The following KIR3DL1 variants were observed in gnomAD, a reference collection of about 807,000 sequenced individuals.
KIR3DL1 encodes the protein killer cell immunoglobulin-like receptor 3DL1.
A neutral mutation model predicts 40.3 loss-of-function variants in KIR3DL1; 50 were observed. That is an observed-to-expected ratio of 1.24 (90% CI 0.99 to 1.57). The LOEUF (loss-of-function observed/expected upper bound fraction) is 1.57, where lower values mean the gene tolerates loss of function less well. Ranked by LOEUF, KIR3DL1 falls within the 40% of genes most tolerant of loss-of-function variation. The pLI is 0.00. For synonymous variants in KIR3DL1, 257 were observed against 207.2 expected (o/e 1.24, Z -2.07); for missense variants, 661 against 559.9 (o/e 1.18, Z -1.82).
chr19:54,828,273 T>A (rs1193694705), intron 6 of KIR3DL1, among the ~76,000 whole-genome samples: 1 of 151,316 alleles, frequency 6.6e-6, no homozygotes, highest in African/African-American at 2.5e-5. Flanking sequence ...GTTGTTTAAC[T>A]CAAGAATGCC....
intron 4 of KIR3DL1, among the ~76,000 whole-genome samples, chr19:54,820,469 C>T (rs2061578536): frequency 6.6e-6 from 1 of 151,530 alleles, no homozygotes; most frequent in Non-Finnish European, 1.5e-5. Context: ...TATTCTGACA[C>T]CTCTGCCTTC....
intron 1 of KIR3DL1, 36 bp downstream of exon 1, chr19:54,816,570 G>C: frequency 6.2e-7 from 1 of 1,607,714 alleles, no homozygotes. Context: ...AGGGAGTGCG[G>C]GGATGGAGAT....
chr19:54,830,679 T>C (rs77482295), exon 9 of KIR3DL1: 250 of 207,210 alleles, frequency 1.2e-3, no homozygotes, highest in Middle Eastern at 3.4e-3. Flanking sequence ...TTCACCTTTC[T>C]TCGGACTATT....
At chr19:54,830,216 A>T in exon 9 of KIR3DL1, 1 of 1,523,318 alleles carries the variant, frequency 6.6e-7, no homozygotes, top group Non-Finnish European at 8.9e-7. Flanking sequence ...TACAGATACC[A>T]TCTTGTACAC....
intron 5 of KIR3DL1, among the ~76,000 whole-genome samples, chr19:54,823,506 T>C (rs1194474186): frequency 6.6e-6 from 1 of 151,288 alleles, no homozygotes; most frequent in African/African-American, 2.4e-5. Context: ...TATTTATTTA[T>C]TTATGTTGAG....
At chr19:54,818,106 T>C (rs2061439768) in intron 2 of KIR3DL1, among the ~76,000 whole-genome samples, 4 of 95,156 alleles carry the variant, frequency 4.2e-5, no homozygotes, top group South Asian at 7.1e-4. Flanking sequence ...TAGTAAGAGT[T>C]GCTTCTCCAG....
At chr19:54,829,764 T>G (rs2062116553) in intron 7 of KIR3DL1, among the ~76,000 whole-genome samples, 164 bp from the exon 8 acceptor site, 1 of 141,408 alleles carries the variant, frequency 7.1e-6, no homozygotes, top group Non-Finnish European at 1.6e-5. Context: ...GAGCTATTCA[T>G]GGGATGGGTC....
intron 6 of KIR3DL1, among the ~76,000 whole-genome samples, chr19:54,829,111 G>T (rs1471817243): frequency 1.4e-5 from 2 of 144,736 alleles, no homozygotes; most frequent in Admixed American, 7.1e-5. Flanking sequence ...TCCCACACTG[G>T]GGGTTAAATT....
exon 3 of KIR3DL1, chr19:54,818,566 G>C (rs2061473708): frequency 6.2e-7 from 1 of 1,611,044 alleles, no homozygotes; most frequent in African/African-American, 1.4e-5. Context: ...TGGGTGGTCG[G>C]CACCCAGCAA....
chr19:54,816,938 AAGTGGAGATATGGGCCTGG>A (rs1318668367), intron 1 of KIR3DL1, among the ~76,000 whole-genome samples: 1 of 79,758 alleles, frequency 1.3e-5, no homozygotes, highest in East Asian at 4.2e-4. Context: ...TATGGGCCTG[AAGTGGAGATATGGGCCTGG>A]AGTGGAGATA....
rs1456962122 is a variant in KIR3DL1 at position 54,825,064 on chromosome 19, C to A, written c.986C>A (p.Pro329Gln). The change falls in exon 6 of 9, where the codon CCA becomes CAA. Residue 329 changes from proline (P) to glutamine (Q), a missense_variant. By Grantham distance (76) the Pro-to-Gln change is moderately conservative. This residue lies in a region of KIR3DL1 where 6 missense variants were observed against 17.2 expected (regional missense o/e 0.35). Transcript: ENST00000391728. ...AGTAGTTGGCCTTCACCCACAGAAC[C>A]AAGCTCCAAATCTGGTGAGTAAAGG... 1.5e-5 allele frequency: 23 copies of A among 1,529,514 alleles called. 1 individual carries two copies. The Admixed American group carries it at 3.0e-4, about 20-fold the overall frequency. 94.7% of individuals were successfully genotyped at this position (1,529,514 alleles called of 1,614,324 possible). A position where few individuals can be genotyped will look rare whatever the true frequency, so the allele number is the denominator to read the frequency against.
At chr19:54,830,437 G>T (rs1363296941) in exon 9 of KIR3DL1, 1 of 893,288 alleles carries the variant, frequency 1.1e-6, no homozygotes, top group Non-Finnish European at 1.7e-6. Context: ...CCTCTCTCTT[G>T]CTTACAAATG....
chr19:54,817,646 C>T lies in KIR3DL1; in HGVS notation c.70+77C>T, dbSNP rs1205457215. ...TCCTGAAATGGGAGGGAAGTCCTGT[C>T]GGGGAGTCTCTCATACACTAGGAAG... On this transcript the variant is annotated intron_variant, in intron 2 of 8. Transcript: ENST00000391728. The T allele has an allele frequency of 1.6e-5, 19 of 1,215,276 alleles. 1 individual carries two copies. The highest frequency in any genetic ancestry group is 7.8e-5 in the South Asian group (6 of 77,222). 75.3% of individuals were successfully genotyped at this position (1,215,276 alleles called of 1,614,324 possible).
At chr19:54,830,057 C>T (rs374405951) in intron 8 of KIR3DL1, 42 bp from the exon 9 acceptor site, 1 of 1,520,886 alleles carries the variant, frequency 6.6e-7, no homozygotes, top group South Asian at 1.3e-5. Flanking sequence ...CCCTCCCTCA[C>T]TCAGCATTTC....
chr19:54,816,471 G>T (rs756338266), exon 1 of KIR3DL1: 22 of 1,604,406 alleles, frequency 1.4e-5, no homozygotes, highest in East Asian at 9.0e-5. Context: ...CTGAGCTGGG[G>T]CGCAGCCGCC....
rs2061644038 is a variant in KIR3DL1, at chr19:54,821,671, T to C, written c.762T>C (p.His254=). Residue 254 remains histidine (H), a synonymous_variant, in exon 5 of 9, where the codon CAT becomes CAC. Coordinates refer to ENST00000391728, the Ensembl canonical transcript of KIR3DL1. ...CCCGGAGCTCCTATGACATGTACCA[T>C]CTATCCAGGGAGGGGGGAGCCCATG... is the stretch of plus-strand genomic sequence containing the variant. 14 of 1,609,890 alleles carry C rather than the reference T, an allele frequency of 8.7e-6. 1 individual carries two copies. In the South Asian group the frequency reaches 1.3e-4, roughly 15 times the overall value.
exon 9 of KIR3DL1, chr19:54,830,235 C>T (rs778994541): frequency 6.6e-7 from 1 of 1,524,636 alleles, no homozygotes; most frequent in Non-Finnish European, 8.9e-7. Flanking sequence ...ACGGAACTTC[C>T]AAATGCTAAG....
At chr19:54,821,452 G>C (rs150451018) in intron 4 of KIR3DL1, 113 bp from the exon 5 acceptor site, 3 of 1,302,044 alleles carry the variant, frequency 2.3e-6, no homozygotes, top group Non-Finnish European at 2.1e-6. Flanking sequence ...GAGGGTGAGA[G>C]AGAGAGAGAG....
chr19:54,817,976 A>G (rs2061433275), intron 2 of KIR3DL1, among the ~76,000 whole-genome samples: 1 of 149,012 alleles, frequency 6.7e-6, no homozygotes, highest in South Asian at 2.2e-4. Flanking sequence ...CTGACATTCC[A>G]AATCCTCTGA....
Sources: allele counts gnomAD v4.1 joint callset (sites outside exome capture counted in the v4.1 genomes callset), GRCh38; gene constraint gnomAD v4.1.1; regional missense constraint gnomAD v4.1.1; transcripts MANE v1.5; gene names NCBI Gene and HGNC (gene_info 2026-07-23, HGNC 2026-07-21).